CDKAL1: variants seen among roughly 807,000 people sequenced by gnomAD.
CDKAL1 encodes the protein CDKAL1 threonylcarbamoyladenosine tRNA methylthiotransferase.
In CDKAL1, 32 loss-of-function variants were observed where a neutral mutation model predicts 68.2. That is an observed-to-expected ratio of 0.47 (90% CI 0.35 to 0.63). CDKAL1 has a LOEUF of 0.63. CDKAL1 is among the 30% of genes least tolerant of loss of function. CDKAL1 has a pLI of 0.00. For missense variants in CDKAL1, 606 were observed against 696.7 expected (o/e 0.87, Z 1.47); for synonymous variants, 234 against 244.3 (o/e 0.96, Z 0.39).
chr6:20,586,422 G>A (rs142410085), intron 4 of CDKAL1, among the ~76,000 whole-genome samples: 3,001 of 152,294 alleles, frequency 0.02, 90 homozygotes, highest in African/African-American at 0.067. Context: ...TGGATCACCT[G>A]AGGTCAGGAG....
chr6:20,911,056 T>C (rs1267317184), intron 9 of CDKAL1, among the ~76,000 whole-genome samples: 1 of 152,270 alleles, frequency 6.6e-6, no homozygotes, highest in Admixed American at 6.5e-5. Flanking sequence ...CGTAGTACTT[T>C]GCTAGGGCAA....
chr6:21,100,946 G>A (rs1395103901), intron 12 of CDKAL1, among the ~76,000 whole-genome samples: 1 of 152,196 alleles, frequency 6.6e-6, no homozygotes, highest in Admixed American at 6.5e-5. Flanking sequence ...ACAGTAAAGA[G>A]TCCAGTGTAT....
At chr6:20,580,569 G>C (rs1765102577) in intron 4 of CDKAL1, among the ~76,000 whole-genome samples, 1 of 152,026 alleles carries the variant, frequency 6.6e-6, no homozygotes, top group Admixed American at 6.5e-5. Flanking sequence ...TGTCCTTCAT[G>C]GAACACTTAC....
chr6:20,787,596 T>A (rs1001395881), intron 8 of CDKAL1, among the ~76,000 whole-genome samples: 1 of 152,190 alleles, frequency 6.6e-6, no homozygotes, highest in Non-Finnish European at 1.5e-5. Context: ...TATGAAAGGT[T>A]CACTTGAGCC....
chr6:20,665,070 G>A (rs988963579), intron 5 of CDKAL1, among the ~76,000 whole-genome samples: 1 of 152,026 alleles, frequency 6.6e-6, no homozygotes, highest in African/African-American at 2.4e-5. Flanking sequence ...TATAGATGGG[G>A]TTGGGGGAGT....
At chr6:20,871,983 A>T (rs1760244864) in intron 9 of CDKAL1, among the ~76,000 whole-genome samples, 1 of 152,178 alleles carries the variant, frequency 6.6e-6, no homozygotes, top group African/African-American at 2.4e-5. Context: ...AATCTTGAGT[A>T]GATGGCCAAA....
At chr6:21,066,733 C>G (rs780432573) in intron 12 of CDKAL1, among the ~76,000 whole-genome samples, 5 of 152,146 alleles carry the variant, frequency 3.3e-5, no homozygotes, top group Non-Finnish European at 5.9e-5. Context: ...GCAGTCCTTC[C>G]ACCTCAGCAT....
chr6:20,535,513 T>A (rs1199445526), intron 2 of CDKAL1, 119 bp downstream of exon 2: 1 of 152,294 alleles, frequency 6.6e-6, no homozygotes, highest in Non-Finnish European at 1.5e-5. Context: ...ATGGAAACAT[T>A]GTGCTTTACA....
intron 4 of CDKAL1, among the ~76,000 whole-genome samples, chr6:20,623,422 T>C (rs981111643): frequency 6.6e-6 from 1 of 152,078 alleles, no homozygotes; most frequent in African/African-American, 2.4e-5. Flanking sequence ...TAGACTTATT[T>C]TGTAGCACTT....
At chr6:20,934,454 G>A (rs1334558753) in intron 9 of CDKAL1, among the ~76,000 whole-genome samples, 2 of 152,098 alleles carry the variant, frequency 1.3e-5, no homozygotes, top group Non-Finnish European at 2.9e-5. Context: ...ATTTTCTGCA[G>A]ATTATCATCA....
At chr6:20,779,705 C>G (rs1775330988) in intron 7 of CDKAL1, among the ~76,000 whole-genome samples, 1 of 152,208 alleles carries the variant, frequency 6.6e-6, no homozygotes, top group Admixed American at 6.5e-5. Context: ...TTGTCTCACT[C>G]TCTCGAGTAG....
chr6:20,987,262 CTTTTTT>C (rs1392710913), intron 10 of CDKAL1, among the ~76,000 whole-genome samples: 1 of 135,908 alleles, frequency 7.4e-6, no homozygotes, highest in Admixed American at 7.4e-5. Flanking sequence ...TGTCTGGAAA[CTTTTTT>C]TTTTTTTTTT....
Position 20,588,159 on chromosome 6 carries a change from G to A in CDKAL1, c.286+39454G>A, listed in dbSNP as rs145564703. ...CAACCAAACAAAAAATTGTTGCTGT[G>A]GGAATATTTGATGGGTTTAATACTT... On this transcript the variant is annotated intron_variant, in intron 4 of 15. Coordinates refer to ENST00000274695, the MANE Select transcript of CDKAL1 (RefSeq NM_017774.3). 3.5e-3 allele frequency among the ~76,000 whole-genome samples: 532 copies of A among 152,234 alleles called. 3 individuals are homozygous for A. The highest frequency in any genetic ancestry group is 0.012 in the African/African-American group (505 of 41,550).
chr6:20,997,132 A>T (rs1168576650), intron 10 of CDKAL1, among the ~76,000 whole-genome samples: 1 of 152,232 alleles, frequency 6.6e-6, no homozygotes, highest in African/African-American at 2.4e-5. Context: ...AGAGTAAAAT[A>T]TAATTTCTGG....
chr6:20,635,803 G>GA (rs1035149141), intron 4 of CDKAL1, among the ~76,000 whole-genome samples: 1 of 152,098 alleles, frequency 6.6e-6, no homozygotes, highest in Admixed American at 6.5e-5. Context: ...ATTAACAGAA[G>GA]AAAAACATTC....
intron 15 of CDKAL1, among the ~76,000 whole-genome samples, chr6:21,212,485 C>T (rs537635383): frequency 3.9e-5 from 6 of 152,196 alleles, no homozygotes; most frequent in South Asian, 2.1e-4. Flanking sequence ...TACTTTAGAG[C>T]GAGTTGCTTC....
At chr6:20,843,104 A>G (rs2150488625) in intron 8 of CDKAL1, among the ~76,000 whole-genome samples, 1 of 152,066 alleles carries the variant, frequency 6.6e-6, no homozygotes, top group East Asian at 1.9e-4. Flanking sequence ...TTTTAAGCCA[A>G]CCTGTCAGCA....
chr6:21,125,091 C>T (rs1300528832), intron 13 of CDKAL1, among the ~76,000 whole-genome samples: 1 of 152,030 alleles, frequency 6.6e-6, no homozygotes, highest in Non-Finnish European at 1.5e-5. Context: ...GGCTGTGTCC[C>T]CATCCAAAAT....
chr6:20,617,944 C>T (rs6900954), intron 4 of CDKAL1, among the ~76,000 whole-genome samples: 39,235 of 152,026 alleles, frequency 0.26, 5,410 homozygotes, highest in Middle Eastern at 0.37. Flanking sequence ...GTAATGGGAT[C>T]GCTGGGTCAA....
Sources: gnomAD v4.1 joint callset for allele counts (sites outside exome capture counted in the v4.1 genomes callset) on GRCh38, gnomAD v4.1.1 for gene constraint, MANE v1.5 for transcripts, NCBI Gene and HGNC (gene_info 2026-07-23, HGNC 2026-07-21) for gene names.